Variants in GRM8 observed in about 807,000 individuals in gnomAD.
GRM8 encodes the protein glutamate metabotropic receptor 8.
A neutral mutation model predicts 87.2 loss-of-function variants in GRM8; 47 were observed. That is an observed-to-expected ratio of 0.54 (90% CI 0.43 to 0.69). GRM8 has a LOEUF of 0.69. GRM8 is among the 30% of genes least tolerant of loss of function. The pLI, the probability that GRM8 is intolerant of heterozygous loss-of-function variation, is 0.00. For missense variants in GRM8, 1,019 were observed against 1,139.2 expected, an observed-to-expected ratio of 0.89 and a Z score of 1.52; for synonymous variants, 396 against 404.5, an observed-to-expected ratio of 0.98 and a Z score of 0.25.
intron 2 of GRM8, among the ~76,000 whole-genome samples, chr7:127,182,019 T>C (rs1273816301): frequency 6.6e-6 from 1 of 151,928 alleles, no homozygotes; most frequent in Non-Finnish European, 1.5e-5. Context: ...TAAAGAGCTT[T>C]TGCATGGCAA....
At chr7:126,471,259 C>T (rs1439990524) in intron 9 of GRM8, among the ~76,000 whole-genome samples, 1 of 152,152 alleles carries the variant, frequency 6.6e-6, no homozygotes. Context: ...ACATGAAGTC[C>T]TTGCCCATGC....
intron 7 of GRM8, among the ~76,000 whole-genome samples, chr7:126,744,991 CTT>C (rs1815480740): frequency 6.6e-6 from 1 of 151,522 alleles, no homozygotes; most frequent in African/African-American, 2.4e-5. Context: ...TAGAATGTAA[CTT>C]ATTATTTTAA....
chr7:127,118,113 T>C (rs1307163635), intron 2 of GRM8: 1 of 152,226 alleles, frequency 6.6e-6, no homozygotes, highest in Non-Finnish European at 1.5e-5. Flanking sequence ...GAACACCTAA[T>C]AGCACTGGAA....
chr7:126,635,643 C>T (rs1445678848), intron 7 of GRM8, among the ~76,000 whole-genome samples: 1 of 151,928 alleles, frequency 6.6e-6, no homozygotes, highest in Non-Finnish European at 1.5e-5. Flanking sequence ...TTTTGAACTA[C>T]CTCTCCCTAA....
chr7:126,849,347 A>G (rs755340124), intron 6 of GRM8, among the ~76,000 whole-genome samples: 3 of 152,152 alleles, frequency 2.0e-5, no homozygotes, highest in Non-Finnish European at 2.9e-5. Flanking sequence ...TGATGTCTCA[A>G]AGGAGGGAAT....
Position 126,533,816 on chromosome 7 carries a change from T to G in GRM8, c.1566A>C (p.Pro522=). The G allele has an allele frequency of 6.2e-7, 1 of 1,614,104 alleles. No homozygotes were observed. The change falls in exon 9 of 11, where the codon CCA becomes CCC. Residue 522 remains proline (P), a synonymous_variant. Transcript: ENST00000339582. ...CTTTCACCGTTTTCTTCCTCTCCCC[T>G]GGCTTACACGGCAGGCTGCAGACAG... ...PASVCSLPCK[P]GERKKTVKGV... is the part of the protein sequence containing the mutation.
chr7:126,944,432 C>T (rs1305877647), intron 3 of GRM8, among the ~76,000 whole-genome samples: 1 of 152,134 alleles, frequency 6.6e-6, no homozygotes, highest in East Asian at 1.9e-4. Flanking sequence ...AGATACTTGA[C>T]CCATGAGGGC....
intron 8 of GRM8, among the ~76,000 whole-genome samples, chr7:126,585,007 T>G (rs1795961603): frequency 6.6e-6 from 1 of 152,194 alleles, no homozygotes; most frequent in Admixed American, 6.5e-5. Context: ...TAAAATGTTA[T>G]TAATCATATA....
In GRM8 at chr7:127,208,254, G is replaced by A. The variant is rs17864917; in HGVS notation, c.510+34441C>T. ...AGTGAACATGGGATGCAGGTAATACGCATGTTTGCTTATCACACGTGTACC... is the reference window on the plus strand; with the variant it reads ...AGTGAACATGGGATGCAGGTAATACACATGTTTGCTTATCACACGTGTACC... On this transcript the variant is annotated intron_variant, in intron 2 of 10. Coordinates refer to ENST00000339582, the MANE Select transcript of GRM8 (RefSeq NM_000845.3). 5.5e-3 allele frequency among the ~76,000 whole-genome samples: 840 copies of A among 152,182 alleles called. 11 individuals carry two copies. Among genetic ancestry groups the A allele is most frequent in the African/African-American group, 0.019 (805 of 41,502 alleles).
At chr7:126,988,760 T>A (rs1048114490) in intron 3 of GRM8, among the ~76,000 whole-genome samples, 1 of 152,236 alleles carries the variant, frequency 6.6e-6, no homozygotes, top group Non-Finnish European at 1.5e-5. Context: ...ACAAACTATA[T>A]ACATGCAACC....
intron 6 of GRM8, among the ~76,000 whole-genome samples, chr7:126,867,609 G>A (rs984537652): frequency 1.1e-4 from 17 of 152,102 alleles, no homozygotes; most frequent in African/African-American, 3.6e-4. Context: ...AGACATTAAA[G>A]GAGGAAGAGA....
intron 3 of GRM8, among the ~76,000 whole-genome samples, chr7:126,952,543 G>T (rs983317299): frequency 1.3e-5 from 2 of 151,984 alleles, no homozygotes; most frequent in Non-Finnish European, 2.9e-5. Flanking sequence ...TAGGAGAAAA[G>T]ATACTAACTA....
intron 7 of GRM8, among the ~76,000 whole-genome samples, chr7:126,767,377 T>C (rs1047029416): frequency 6.6e-6 from 1 of 152,140 alleles, no homozygotes; most frequent in Non-Finnish European, 1.5e-5. Flanking sequence ...AGAAGACTTC[T>C]GCTTTTGCTG....
At chr7:126,469,498 A>G (rs1271989410) in intron 9 of GRM8, among the ~76,000 whole-genome samples, 1 of 152,010 alleles carries the variant, frequency 6.6e-6, no homozygotes, top group Non-Finnish European at 1.5e-5. Flanking sequence ...CCCACATCTC[A>G]TGGGAGGGAC....
At chr7:126,850,237 TTGGCTTC>T (rs1443459595) in intron 6 of GRM8, among the ~76,000 whole-genome samples, 6 of 152,180 alleles carry the variant, frequency 3.9e-5, no homozygotes, top group Non-Finnish European at 7.3e-5. Flanking sequence ...TCATCTACAC[TTGGCTTC>T]CAGAACAGCA....
At position 126,542,827 on chromosome 7, in the gene GRM8, A is replaced by G. The variant is rs573498532; in HGVS notation, c.1495-8940T>C. On this transcript the variant is annotated intron_variant, in intron 8 of 10. Coordinates refer to ENST00000339582, the MANE Select transcript of GRM8 (RefSeq NM_000845.3). ...CAGATCAGAGGGAGGATGGCAGAGA[A>G]GCAAGAATATGAATTAGAGAAATAT... 4.6e-5 allele frequency among the ~76,000 whole-genome samples: 7 copies of G among 152,356 alleles called. No individual in the cohort carries two copies. The South Asian group carries it at 1.2e-3, about 27-fold the overall frequency.
intron 7 of GRM8, among the ~76,000 whole-genome samples, chr7:126,646,802 G>T (rs950785548): frequency 6.6e-6 from 1 of 152,162 alleles, no homozygotes; most frequent in South Asian, 2.1e-4. Context: ...ACATAGCAAA[G>T]ATTCTACAGT....
chr7:127,140,448 A>T (rs2237793), intron 2 of GRM8, among the ~76,000 whole-genome samples: 2 of 152,154 alleles, frequency 1.3e-5, no homozygotes, highest in Non-Finnish European at 2.9e-5. Context: ...TAATATTTCT[A>T]CACTACAATG....
At chr7:126,863,595 A>G (rs988313734) in intron 6 of GRM8, among the ~76,000 whole-genome samples, 9 of 152,076 alleles carry the variant, frequency 5.9e-5, no homozygotes, top group African/African-American at 1.9e-4. Flanking sequence ...AAAAAAACCT[A>G]CCTCTGAATT....
Sources: gnomAD v4.1 joint callset for allele counts (sites outside exome capture counted in the v4.1 genomes callset) on GRCh38, gnomAD v4.1.1 for gene constraint, MANE v1.5 for transcripts, NCBI Gene and HGNC (gene_info 2026-07-23, HGNC 2026-07-21) for gene names.